Variants in GPC6 observed in about 807,000 individuals in gnomAD.
GPC6 encodes glypican-6.
In GPC6, 14 loss-of-function variants were observed where a neutral mutation model predicts 55.2. That is an observed-to-expected ratio of 0.25 (90% CI 0.17 to 0.40). The LOEUF is 0.40. Among genes scored for constraint, GPC6 ranks in the 10% least tolerant of loss-of-function variants. GPC6 has a pLI of 1.00. For missense variants in GPC6, 641 were observed against 708.5 expected, an observed-to-expected ratio of 0.90 and a Z score of 1.08; for synonymous variants, 278 against 259.6, an observed-to-expected ratio of 1.07 and a Z score of -0.68.
intron 1 of GPC6, among the ~76,000 whole-genome samples, chr13:93,254,976 T>A (rs1471355550): frequency 6.6e-6 from 1 of 152,222 alleles, no homozygotes; most frequent in African/African-American, 2.4e-5. Flanking sequence ...GGAGCCTTAT[T>A]TATGGAGCTG....
chr13:94,291,610 A>T (rs1310033946), intron 5 of GPC6, among the ~76,000 whole-genome samples: 1 of 152,204 alleles, frequency 6.6e-6, no homozygotes, highest in Non-Finnish European at 1.5e-5. Flanking sequence ...TTCATTTTCC[A>T]TATAAGCCAC....
At chr13:93,742,227 T>C (rs1884231955) in intron 2 of GPC6, among the ~76,000 whole-genome samples, 1 of 152,190 alleles carries the variant, frequency 6.6e-6, no homozygotes. Context: ...GATGGAAATA[T>C]GATTCCATGT....
At chr13:93,996,508 A>G (rs944396404) in intron 3 of GPC6, among the ~76,000 whole-genome samples, 9 of 150,934 alleles carry the variant, frequency 6.0e-5, no homozygotes, top group Non-Finnish European at 1.2e-4. Context: ...AGGTGCATGG[A>G]CCGGGGAGAA....
intron 1 of GPC6, among the ~76,000 whole-genome samples, chr13:93,248,702 A>G (rs1876688271): frequency 6.6e-6 from 1 of 152,174 alleles, no homozygotes; most frequent in Non-Finnish European, 1.5e-5. Flanking sequence ...AAACTTCTGG[A>G]AGGTGCCACG....
chr13:93,979,306 TG>T (rs1880669737), intron 3 of GPC6, among the ~76,000 whole-genome samples: 6 of 151,098 alleles, frequency 4.0e-5, no homozygotes, highest in African/African-American at 1.2e-4. Context: ...TGTGTGTGTG[TG>T]TGTGTGTGTG....
chr13:93,599,544 A>G (rs894663523), intron 2 of GPC6, among the ~76,000 whole-genome samples: 2 of 152,136 alleles, frequency 1.3e-5, no homozygotes, highest in Non-Finnish European at 2.9e-5. Flanking sequence ...GTTCAAGAAG[A>G]AGCCATTACA....
chr13:94,024,417 A>G (rs553521911), intron 3 of GPC6, among the ~76,000 whole-genome samples: 3 of 152,284 alleles, frequency 2.0e-5, no homozygotes, highest in Non-Finnish European at 4.4e-5. Flanking sequence ...ATTTAAAGCA[A>G]CATTTTCAGA....
At chr13:93,581,220 G>A (rs1876921348) in intron 2 of GPC6, among the ~76,000 whole-genome samples, 1 of 152,138 alleles carries the variant, frequency 6.6e-6, no homozygotes, top group East Asian at 1.9e-4. Context: ...CTTTCAGAAA[G>A]GCAGAGAGAA....
chr13:93,734,133 T>G (rs540258565), intron 2 of GPC6, among the ~76,000 whole-genome samples: 1 of 152,072 alleles, frequency 6.6e-6, no homozygotes, highest in Admixed American at 6.5e-5. Context: ...ATATTGTTGT[T>G]TTAGTAAAAA....
intron 4 of GPC6, among the ~76,000 whole-genome samples, chr13:94,070,189 G>A (rs897815409): frequency 1.3e-5 from 2 of 152,188 alleles, no homozygotes; most frequent in Non-Finnish European, 2.9e-5. Flanking sequence ...GAGAGAGAGA[G>A]CTTGTGTAGG....
chr13:93,998,206 T>C (rs931458532), intron 3 of GPC6, among the ~76,000 whole-genome samples: 1 of 152,224 alleles, frequency 6.6e-6, no homozygotes, highest in African/African-American at 2.4e-5. Flanking sequence ...ACAACAGATG[T>C]AAATAACCTT....
At chr13:94,391,828 C>G (rs1031414025) in intron 7 of GPC6, among the ~76,000 whole-genome samples, 1 of 152,176 alleles carries the variant, frequency 6.6e-6, no homozygotes, top group Admixed American at 6.5e-5. Flanking sequence ...CTGCTGACCA[C>G]CATTCTATTT....
At chr13:93,944,235 G>C (rs1011948192) in intron 3 of GPC6, among the ~76,000 whole-genome samples, 2 of 150,260 alleles carry the variant, frequency 1.3e-5, no homozygotes, top group Non-Finnish European at 3.0e-5. Flanking sequence ...ACGGAGTCTT[G>C]CTCTGTCGCC....
At chr13:94,079,577 G>C (rs771926582) in intron 4 of GPC6, among the ~76,000 whole-genome samples, 2 of 152,118 alleles carry the variant, frequency 1.3e-5, no homozygotes, top group African/African-American at 4.8e-5. Context: ...ATGTTTCTGC[G>C]AGGTTGCTTT....
intron 2 of GPC6, among the ~76,000 whole-genome samples, chr13:93,633,113 T>A (rs1199740931): frequency 6.6e-6 from 1 of 152,216 alleles, no homozygotes; most frequent in African/African-American, 2.4e-5. Flanking sequence ...ATTCTGCATT[T>A]AATGTGTTCT....
chr13:93,916,583 G>A (rs1376280429), intron 3 of GPC6, among the ~76,000 whole-genome samples: 2 of 152,136 alleles, frequency 1.3e-5, no homozygotes, highest in African/African-American at 4.8e-5. Context: ...GTAGCCTGCT[G>A]TTAATATAGT....
At chr13:94,108,296 C>G (rs531940509) in intron 4 of GPC6, among the ~76,000 whole-genome samples, 7 of 152,150 alleles carry the variant, frequency 4.6e-5, no homozygotes, top group African/African-American at 1.4e-4. Context: ...GAATGGAAAA[C>G]CAAACATTGT....
At chr13:93,240,264 T>C (rs574125288) in intron 1 of GPC6, among the ~76,000 whole-genome samples, 3 of 152,312 alleles carry the variant, frequency 2.0e-5, no homozygotes, top group African/African-American at 7.2e-5. Context: ...TTCTCTTTTA[T>C]GGAATCTATT....
chr13:93,267,952 T>C, intron 1 of GPC6, among the ~76,000 whole-genome samples: 1 of 152,220 alleles, frequency 6.6e-6, no homozygotes, highest in African/African-American at 2.4e-5. Context: ...GAGCATGTTT[T>C]CCATACTTGT....
Sources: gnomAD v4.1 joint callset for allele counts (sites outside exome capture counted in the v4.1 genomes callset) on GRCh38, gnomAD v4.1.1 for gene constraint, MANE v1.5 for transcripts, NCBI Gene and HGNC (gene_info 2026-07-23, HGNC 2026-07-21) for gene names.